The following FES variants were observed in gnomAD, a reference collection of about 807,000 sequenced individuals.
FES encodes the protein FES proto-oncogene, tyrosine kinase.
FES carries 83 observed loss-of-function variants against 109.6 expected under a neutral mutation model. The ratio of observed to expected loss-of-function variants is 0.76; its 90% CI spans 0.63 to 0.91. The LOEUF (loss-of-function observed/expected upper bound fraction) is 0.91. Ranked by LOEUF, FES falls within the 40% of genes least tolerant of loss-of-function variation. The probability of loss-of-function intolerance (pLI) is 0.00; values close to 1 mark genes in which losing one functional copy is unlikely to be tolerated. For missense variants in FES, 943 were observed against 1,070.9 expected, an observed-to-expected ratio of 0.88 and a Z score of 1.67; for synonymous variants, 458 against 442.1, an observed-to-expected ratio of 1.04 and a Z score of -0.45.
At chr15:90,892,381 C>T (rs2033306050) in intron 13 of FES, 6 of 588,102 alleles carry the variant, frequency 1.0e-5, no homozygotes, top group Admixed American at 8.9e-5. Flanking sequence ...CGCAGGGAGA[C>T]ACCCTGTTAC....
In FES at chr15:90,893,547, G is replaced by C. The variant is rs1283588656; in HGVS notation, c.2046-107G>C. On this transcript the variant is annotated intron_variant, in intron 16 of 18. Coordinates refer to ENST00000328850, the MANE Select transcript of FES (RefSeq NM_002005.4). ...GGAGTTGGCCTCTGTGGTAGACAGGGGTGCCCAGGGCCGGGAGCAGCTTTT... is the reference window on the plus strand; with the variant it reads ...GGAGTTGGCCTCTGTGGTAGACAGGCGTGCCCAGGGCCGGGAGCAGCTTTT... 10 of 1,492,896 alleles carry C rather than the reference G, an allele frequency of 6.7e-6. No individual in the cohort carries two copies. The African/African-American group carries it at 1.3e-4, about 19-fold the overall frequency. The allele number at this position is 1,492,896 out of a possible 1,614,324, so 92.5% of individuals were successfully genotyped here.
chr15:90,887,076 T>C lies in FES; in HGVS notation c.484+19T>C, dbSNP rs1336048159. ...AGCAAAGGTTCGTGGCTTCCCTTGC[T>C]GGCAGGGAGGGAATCCGAAGCCAGT... On this transcript the variant is annotated intron_variant, in intron 4 of 18. Coordinates refer to ENST00000328850, the MANE Select transcript of FES (RefSeq NM_002005.4). 6.2e-7 allele frequency: 1 copy of C among 1,613,662 alleles called. No individual in the cohort carries two copies. Among genetic ancestry groups the C allele is most frequent in the African/African-American group, 1.3e-5 (1 of 74,940 alleles).
At chr15:90,888,898 C>T (rs1295487684) in intron 5 of FES, among the ~76,000 whole-genome samples, 2 of 152,002 alleles carry the variant, frequency 1.3e-5, no homozygotes, top group African/African-American at 4.8e-5. Context: ...TTGCCTCAGC[C>T]TCCCGAGTAG....
rs551619932 is a variant in FES at position 90,886,858 on chromosome 15, G to A, written c.388-103G>A. On this transcript the variant is annotated intron_variant, in intron 3 of 18. Transcript: ENST00000328850. ...CCAGCTTTCCCAGAAGTCTCCAGGT[G>A]CTCCTTGCCTGACGACAGGACCTTT... 26 of 1,014,190 alleles carry A rather than the reference G, an allele frequency of 2.6e-5. No individual in the cohort carries two copies. The South Asian group carries it at 3.1e-4, about 12-fold the overall frequency. 62.8% of individuals were successfully genotyped at this position (1,014,190 alleles called of 1,614,324 possible).
intron 5 of FES, among the ~76,000 whole-genome samples, chr15:90,888,090 T>C (rs2032832704): frequency 6.6e-6 from 1 of 152,176 alleles, no homozygotes; most frequent in Admixed American, 6.5e-5. Context: ...ATCTGACCTC[T>C]GTTTTTTTGT....
rs971446967 is a variant in FES at position 90,889,190 on chromosome 15, G to A, written c.669-116G>A. Reference sequence around the variant, plus strand: ...TTGCCTAGAGTGGCATGGCTAGCTCGAAGTGAGGCAGGGGTCAACCCCAGC... The same window carrying A: ...TTGCCTAGAGTGGCATGGCTAGCTCAAAGTGAGGCAGGGGTCAACCCCAGC... On this transcript the variant is annotated intron_variant, in intron 5 of 18. Transcript: ENST00000328850. The surrounding 1 kb of genome is among the most constrained non-coding windows in gnomAD (Gnocchi z 6.1). 28 of 1,400,982 alleles carry A rather than the reference G, an allele frequency of 2.0e-5. No homozygotes were observed. In the African/African-American group the frequency reaches 2.3e-4, roughly 11 times the overall value. The allele number at this position is 1,400,982 out of a possible 1,614,324, so 86.8% of individuals were successfully genotyped here. A position where few individuals can be genotyped will look rare whatever the true frequency, so the allele number is the denominator to read the frequency against.
Position 90,892,839 on chromosome 15 carries a change from T to TA in FES, c.1826+16dup. The TA allele has an allele frequency of 6.2e-7, 1 of 1,602,320 alleles. No individual in the cohort carries two copies. The highest frequency in any genetic ancestry group is 8.5e-7 in the Non-Finnish European group (1 of 1,169,906). ...ACAGGAAGCGAGGTGGGTGATAAAC[T>TA]AATGATCACCACGGGTCCCGCATAC... On this transcript the variant is annotated intron_variant, in intron 14 of 18. Coordinates refer to ENST00000328850, the MANE Select transcript of FES (RefSeq NM_002005.4).
chr15:90,894,084 C>A, intron 18 of FES, 26 bp downstream of exon 18: 1 of 1,612,406 alleles, frequency 6.2e-7, no homozygotes. Context: ...TGACAGCAGC[C>A]TCAGGCTGCA....
Position 90,890,389 on chromosome 15 carries a change from C to T in FES, c.1237-12C>T. ...AGCCTGGCCACCCGCTGACGTCTGT[C>T]CCTGGCCTCAGGAGCAGGAGCGAGA... On this transcript the variant is annotated splice_polypyrimidine_tract_variant and intron_variant, in intron 9 of 18. Coordinates refer to ENST00000328850, the MANE Select transcript of FES (RefSeq NM_002005.4). 17 of 1,612,254 alleles carry T rather than the reference C, an allele frequency of 1.1e-5. No homozygotes were observed. Among genetic ancestry groups the T allele is most frequent in the Non-Finnish European group, 1.4e-5 (17 of 1,179,696 alleles).
At position 90,890,089 on chromosome 15, in the gene FES, C is replaced by T. The variant is rs2033061324; in HGVS notation, c.1050-3C>T. Reference sequence around the variant, plus strand: ...CCACCCTCCCACCCGCCCCTGCCTGCAGGGTGCAGCTGCTGGGCAAGAGGC... The same window carrying T: ...CCACCCTCCCACCCGCCCCTGCCTGTAGGGTGCAGCTGCTGGGCAAGAGGC... On this transcript the variant is annotated splice_region_variant and splice_polypyrimidine_tract_variant and intron_variant, in intron 8 of 18. Coordinates refer to ENST00000328850, the MANE Select transcript of FES (RefSeq NM_002005.4). 2.0e-6 allele frequency: 3 copies of T among 1,538,226 alleles called. No homozygotes were observed. Among genetic ancestry groups the T allele is most frequent in the Non-Finnish European group, 2.6e-6 (3 of 1,141,162 alleles).
chr15:90,891,889 A>G (rs2033250156), intron 12 of FES, among the ~76,000 whole-genome samples, 169 bp from the exon 13 acceptor site: 1 of 152,194 alleles, frequency 6.6e-6, no homozygotes, highest in South Asian at 2.1e-4. Context: ...GTTGGTGCTT[A>G]CCTGGTCAGG....
rs2033548278 is a variant in FES at position 90,894,689 on chromosome 15, C to A, written c.2326+631C>A. 3.9e-5 allele frequency among the ~76,000 whole-genome samples: 6 copies of A among 152,108 alleles called. No individual in the cohort carries two copies. The South Asian group carries it at 1.2e-3, about 31-fold the overall frequency. ...GCTGAGGTGGGAGGATCACTGGAGC[C>A]CGGGAGGTGGAGGTTGCAGTGAGCT... On this transcript the variant is annotated intron_variant, in intron 18 of 18. Transcript: ENST00000328850.
At position 90,889,415 on chromosome 15, in the gene FES, G is replaced by C; in HGVS notation, c.778G>C (p.Glu260Gln). Residue 260 changes from glutamate to glutamine, a missense_variant, in exon 6 of 19, where the codon GAG (glutamate) becomes CAG (glutamine). Transcript: ENST00000328850. This position sits in a 1 kb window ranked among gnomAD's most constrained non-coding sequence, Gnocchi z 6.1. ...TGCTGCCCGCATCCAGCCTGAGGCT[G>C]AGTACCAAGGCTTCCTGCGACAGTA... ...AAAARIQPEA[E>Q]YQGFLRQYGS... 1 of 1,614,112 alleles carries C rather than the reference G, an allele frequency of 6.2e-7. No homozygotes were observed. Among genetic ancestry groups the C allele is most frequent in the Non-Finnish European group, 8.5e-7 (1 of 1,180,028 alleles).
rs143455975 is a variant in FES, at chr15:90,889,625, C to T, written c.915C>T (p.Ser305=). The T allele has an allele frequency of 7.7e-5, 125 of 1,613,240 alleles. No homozygotes were observed. Among genetic ancestry groups the T allele is most frequent in the Admixed American group, 7.5e-4 (45 of 60,012 alleles). The change falls in exon 7 of 19, where the codon AGC becomes AGT. Residue 305 remains serine, a synonymous_variant. Coordinates refer to ENST00000328850, the MANE Select transcript of FES (RefSeq NM_002005.4). This position sits in a 1 kb window ranked among gnomAD's most constrained non-coding sequence, Gnocchi z 6.1. ...AGCTGAACGAGCTGACTGTGGAGAG[C>T]GTGCAGCACACGTGGGTGGTGGCTT... ...ELQLNELTVE[S]VQHTLTSVTD... is the part of the protein sequence containing the mutation.
At chr15:90,893,455 C>G (rs763103835) in intron 16 of FES, 41 bp downstream of exon 16, 2 of 1,517,374 alleles carry the variant, frequency 1.3e-6, no homozygotes, top group Admixed American at 4.4e-5. Context: ...ACACCCCCGA[C>G]CAGAGTCAAG....
In FES at chr15:90,889,786, G is replaced by A; in HGVS notation, c.927-54G>A. ...GGCTCTACAGGGATGCACTGGACCT[G>A]GGTTGAGGGGGCAGGAGGGCTCGGT... On this transcript the variant is annotated intron_variant, in intron 7 of 18. Transcript: ENST00000328850. The surrounding 1 kb of genome is among the most constrained non-coding windows in gnomAD (Gnocchi z 6.1). 6.2e-7 allele frequency: 1 copy of A among 1,610,104 alleles called. No individual in the cohort carries two copies.
chr15:90,889,976 T>C lies in FES; in HGVS notation c.1049+14T>C, dbSNP rs1431441766. The C allele has an allele frequency of 1.2e-6, 2 of 1,612,246 alleles. No individual in the cohort carries two copies. The highest frequency in any genetic ancestry group is 3.3e-5 in the Admixed American group (2 of 59,970). On this transcript the variant is annotated intron_variant, in intron 8 of 18. Transcript: ENST00000328850. The surrounding 1 kb of genome is among the most constrained non-coding windows in gnomAD (Gnocchi z 6.1). ...CCCCCGGGAGCGGTGAGTGGGCCCC[T>C]GCCTGCAGCAGCCTCCTGGGCCTCC...
At position 90,895,547 on chromosome 15, in the gene FES, C is replaced by A; in HGVS notation, c.2458C>A (p.Arg820=). 6.3e-7 allele frequency: 1 copy of A among 1,582,118 alleles called. No homozygotes were observed. Among genetic ancestry groups the A allele is most frequent in the Admixed American group, 1.8e-5 (1 of 55,868 alleles). ...CCAGGAGCTGCAGAGCATCCGAAAG[C>A]GGCATCGGTGAGGCTGGGACCCCCT... ...IYQELQSIRK[R]HR Residue 820 remains arginine, a synonymous_variant, in exon 19 of 19, where the codon CGG becomes AGG. Transcript: ENST00000328850.
chr15:90,894,131 C>G, intron 18 of FES, 73 bp downstream of exon 18: 2 of 1,528,616 alleles, frequency 1.3e-6, no homozygotes, highest in South Asian at 2.3e-5. Context: ...TCTTCTAACT[C>G]CCTTAATGCC....
Sources: gnomAD v4.1 joint callset for allele counts (sites outside exome capture counted in the v4.1 genomes callset) on GRCh38, gnomAD v4.1.1 for gene constraint, Gnocchi (gnomAD v3.1) non-coding constraint, MANE v1.5 for transcripts, NCBI Gene and HGNC (gene_info 2026-07-23, HGNC 2026-07-21) for gene names.